MIA2: variants seen among roughly 807,000 people sequenced by gnomAD.
MIA2 encodes MIA SH3 domain ER export factor 2, also known as melanoma inhibitory activity protein 2.
In MIA2, 127 loss-of-function variants were observed where a neutral mutation model predicts 167.8. That is an observed-to-expected ratio of 0.76 (90% CI 0.66 to 0.88). MIA2 has a LOEUF of 0.88. MIA2 is among the 40% of genes least tolerant of loss of function. The pLI, the probability that MIA2 is intolerant of heterozygous loss-of-function variation, is 0.00. For missense variants in MIA2, 1,690 were observed against 1,624.7 expected (o/e 1.04, Z -0.69); for synonymous variants, 552 against 541.9 (o/e 1.02, Z -0.26).
At chr14:39,256,867 C>G (rs1159527561) in intron 6 of MIA2, among the ~76,000 whole-genome samples, 1 of 152,158 alleles carries the variant, frequency 6.6e-6, no homozygotes, top group African/African-American at 2.4e-5. Context: ...AGCAACAATT[C>G]AAGAAATTTT....
chr14:39,383,800 C>T (rs560919612), intron 23 of MIA2, among the ~76,000 whole-genome samples: 6 of 152,306 alleles, frequency 3.9e-5, no homozygotes, highest in African/African-American at 1.4e-4. Context: ...CTTAAGCCAA[C>T]ATCTAATCCA....
chr14:39,352,736 C>T (rs2074422616), downstream of MIA2, among the ~76,000 whole-genome samples: 2 of 152,074 alleles, frequency 1.3e-5, no homozygotes, highest in South Asian at 2.1e-4. Context: ...TTTTAAATTA[C>T]ATTTTTAAGG....
At chr14:39,265,238 T>C in intron 6 of MIA2, 1 of 640,418 alleles carries the variant, frequency 1.6e-6, no homozygotes. Flanking sequence ...ACTCCACCTG[T>C]AGCACCCCTT....
chr14:39,292,222 G>A (rs1376194363), intron 10 of MIA2, among the ~76,000 whole-genome samples: 1 of 152,106 alleles, frequency 6.6e-6, no homozygotes, highest in Non-Finnish European at 1.5e-5. Context: ...GAAGGCATTT[G>A]ACATGCTAAC....
chr14:39,384,509 A>AT (rs967852405), intron 23 of MIA2, among the ~76,000 whole-genome samples: 53 of 151,752 alleles, frequency 3.5e-4, no homozygotes, highest in African/African-American at 1.1e-3. Context: ...TATTTTTTTA[A>AT]TTTTTTTTTA....
intron 23 of MIA2, among the ~76,000 whole-genome samples, chr14:39,360,280 C>A (rs1412550895): frequency 1.3e-5 from 2 of 152,108 alleles, no homozygotes; most frequent in African/African-American, 4.8e-5. Flanking sequence ...CCAGCCTGGG[C>A]AATAGAGCCT....
At position 39,276,720 on chromosome 14, in the gene MIA2, C is replaced by T. The variant is rs1312454511; in HGVS notation, c.1888-214C>T. The T allele has an allele frequency of 8.2e-6, 4 of 484,896 alleles. No individual in the cohort carries two copies. The South Asian group carries it at 9.0e-5, about 11-fold the overall frequency. The allele number at this position is 484,896 out of a possible 1,614,324, so 30.0% of individuals were successfully genotyped here. A position where few individuals can be genotyped will look rare whatever the true frequency, so the allele number is the denominator to read the frequency against. ...GAAACTTTAAGTCACCTCTGTAGAACTCCAGTTTGAAGATAATTGCATTTC... is the reference window on the plus strand; with the variant it reads ...GAAACTTTAAGTCACCTCTGTAGAATTCCAGTTTGAAGATAATTGCATTTC... On this transcript the variant is annotated intron_variant, in intron 6 of 28. Transcript: ENST00000640607.
Position 39,246,209 on chromosome 14 carries a change from G to A in MIA2, c.337-702G>A, listed in dbSNP as rs1037779336. The stretch of plus-strand genomic sequence containing the variant: ...CCTCCTGGGTTCAAGCAATTCTCCT[G>A]CCTCAGCCTCCTGAGTAGCTGGGAC... On this transcript the variant is annotated intron_variant, in intron 3 of 28. Transcript: ENST00000640607. Among the ~76,000 whole-genome samples, 4 of 151,910 alleles carry A rather than the reference G, an allele frequency of 2.6e-5. No individual in the cohort carries two copies. In the East Asian group the frequency reaches 7.8e-4, roughly 29 times the overall value.
intron 7 of MIA2, among the ~76,000 whole-genome samples, chr14:39,277,722 A>ATATATATATATATATATATGTG: frequency 3.6e-4 from 1 of 2,776 alleles, no homozygotes; most frequent in Admixed American, 3.1e-3. Context: ...ATATGTGTGT[A>ATATATATATATATATATATGTG]TATATATATA....
At position 39,247,996 on chromosome 14, in the gene MIA2, A is replaced by C. The variant is rs1200786020; in HGVS notation, c.1422A>C (p.Pro474=). 4.4e-6 allele frequency: 7 copies of C among 1,582,444 alleles called. No individual in the cohort carries two copies. Among genetic ancestry groups the C allele is most frequent in the Non-Finnish European group, 5.1e-6 (6 of 1,172,128 alleles). The part of the protein sequence containing the change: ...FDNPWNFQNI[P]KETELPFPKQ... ...ACCCTTGGAACTTCCAGAACATTCC[A>C]AAGGAAACAGAATTGCCATTTCCCA... The change falls in exon 4 of 29, where the codon CCA becomes CCC. Residue 474 remains proline (P), a synonymous_variant. Transcript: ENST00000640607.
Position 39,248,077 on chromosome 14 carries a change from C to T in MIA2, c.1503C>T (p.Ser501=). 1.1e-5 allele frequency: 17 copies of T among 1,563,654 alleles called. No homozygotes were observed. The highest frequency in any genetic ancestry group is 1.5e-5 in the Non-Finnish European group (17 of 1,162,198). Residue 501 remains serine, a synonymous_variant, in exon 4 of 29, where the codon TCC becomes TCT. Coordinates refer to ENST00000640607, the MANE Select transcript of MIA2 (RefSeq NM_001329214.4). ...AAAATGAAGAAACTGGAGAATTTTC[C>T]ATTGATAATTATCCCACAGATAATA... ...VIENEETGEF[S]IDNYPTDNTK... is the part of the protein sequence containing the mutation.
intron 13 of MIA2, among the ~76,000 whole-genome samples, chr14:39,298,530 G>GTTTTTTTTTTTTTTTTTTTTTTT (rs764475842): frequency 3.8e-5 from 1 of 26,178 alleles, no homozygotes; most frequent in Non-Finnish European, 6.7e-5. Flanking sequence ...GTAGAACAGA[G>GTTTTTTTTTTTTTTTTTTTTTTT]TTTTTTTTTT....
chr14:39,380,634 A>G (rs192324927), intron 23 of MIA2, among the ~76,000 whole-genome samples: 4 of 147,074 alleles, frequency 2.7e-5, no homozygotes, highest in East Asian at 4.3e-4. Flanking sequence ...CGGAGGTTGC[A>G]GTGAGCTGAG....
chr14:39,271,944 C>T (rs1033120558), intron 6 of MIA2, among the ~76,000 whole-genome samples: 1 of 152,154 alleles, frequency 6.6e-6, no homozygotes, highest in Non-Finnish European at 1.5e-5. Context: ...CCCTGTGTGG[C>T]TGGGTCTGCG....
At chr14:39,324,620 T>TTA (rs1555397701) in intron 24 of MIA2, among the ~76,000 whole-genome samples, 2 of 151,560 alleles carry the variant, frequency 1.3e-5, no homozygotes, top group African/African-American at 4.9e-5. Flanking sequence ...TTTTATTTTT[T>TTA]TTTTTTGAGA....
intron 25 of MIA2, among the ~76,000 whole-genome samples, chr14:39,330,978 G>C (rs558199547): frequency 6.6e-6 from 1 of 152,166 alleles, no homozygotes; most frequent in East Asian, 1.9e-4. Flanking sequence ...TGTTAGGTCC[G>C]CTTGGTCCAG....
chr14:39,287,114 C>T (rs1177466685), intron 9 of MIA2, among the ~76,000 whole-genome samples: 5 of 151,756 alleles, frequency 3.3e-5, no homozygotes, highest in Admixed American at 3.3e-4. Context: ...CACTCTGTTG[C>T]CCAGGCTGGA....
At chr14:39,357,799 C>G (rs890193523) in intron 23 of MIA2, among the ~76,000 whole-genome samples, 11 of 152,158 alleles carry the variant, frequency 7.2e-5, no homozygotes, top group Non-Finnish European at 1.6e-4. Context: ...TTTTATTTCT[C>G]CTTCACTTAT....
chr14:39,325,528 C>T (rs12897841), intron 24 of MIA2, among the ~76,000 whole-genome samples: 69,450 of 145,790 alleles, frequency 0.48, 16,833 homozygotes, highest in East Asian at 0.65. Context: ...CCACCATGCC[C>T]GGCTAATTTT....
Sources: gnomAD v4.1 joint callset for allele counts (sites outside exome capture counted in the v4.1 genomes callset) on GRCh38, gnomAD v4.1.1 for gene constraint, MANE v1.5 for transcripts, NCBI Gene and HGNC (gene_info 2026-07-23, HGNC 2026-07-21) for gene names.